CDH12: variants seen among roughly 807,000 people sequenced by gnomAD.
CDH12 encodes the protein cadherin-12.
In CDH12, 41 loss-of-function variants were observed where a neutral mutation model predicts 74.1. The observed-to-expected ratio is 0.55, with a 90% CI of 0.43 to 0.72. The LOEUF (loss-of-function observed/expected upper bound fraction) is 0.72. Ranked by LOEUF, CDH12 falls within the 30% of genes least tolerant of loss-of-function variation. CDH12 has a pLI of 0.00. For synonymous variants in CDH12, 399 were observed against 355.0 expected (o/e 1.12, Z -1.39); for missense variants, 945 against 977.2 (o/e 0.97, Z 0.44).
chr5:22,358,564 T>C (rs556492488), intron 3 of CDH12, among the ~76,000 whole-genome samples: 2 of 152,302 alleles, frequency 1.3e-5, no homozygotes, highest in Non-Finnish European at 2.9e-5. Context: ...CCACACAATA[T>C]ATATAATTGG....
intron 2 of CDH12, among the ~76,000 whole-genome samples, chr5:22,438,811 T>C (rs1000578231): frequency 1.3e-5 from 2 of 151,844 alleles, no homozygotes; most frequent in African/African-American, 4.8e-5. Context: ...CTACTTTGGT[T>C]TCTTTTAAAG....
rs117002852 is a variant in CDH12 at position 22,125,124 on chromosome 5, G to C, written c.-186-46262C>G. On this transcript the variant is annotated intron_variant, in intron 4 of 14. Transcript: ENST00000382254. ...TTTTTTTTTTTAACTTTAAATTCTG[G>C]GATACATGTGCTAAACATGCAGGTG... 1.4e-4 allele frequency among the ~76,000 whole-genome samples: 21 copies of C among 151,816 alleles called. No homozygotes were observed. In the East Asian group the frequency reaches 4.1e-3, roughly 29 times the overall value.
At position 22,008,471 on chromosome 5, in the gene CDH12, C is replaced by T. The variant is rs185948871; in HGVS notation, c.232-33086G>A. ...CTCCAACTCCTGACCTCAAGTGATCCGCCCACCTCTGCCTCCCAAAGTGCT... is the reference window on the plus strand; with the variant it reads ...CTCCAACTCCTGACCTCAAGTGATCTGCCCACCTCTGCCTCCCAAAGTGCT... On this transcript the variant is annotated intron_variant, in intron 5 of 14. Transcript: ENST00000382254. Among the ~76,000 whole-genome samples the T allele has an allele frequency of 8.6e-3, 1,316 of 152,188 alleles. 17 individuals are homozygous for T. The highest frequency in any genetic ancestry group is 0.03 in the African/African-American group (1,232 of 41,532).
chr5:22,509,322 T>C (rs933056732), intron 1 of CDH12, among the ~76,000 whole-genome samples: 5 of 152,204 alleles, frequency 3.3e-5, no homozygotes, highest in Non-Finnish European at 7.3e-5. Flanking sequence ...TATGGCTACA[T>C]AATTTTTAGA....
intron 1 of CDH12, among the ~76,000 whole-genome samples, chr5:22,833,613 A>C (rs1736708461): frequency 1.3e-5 from 2 of 152,202 alleles, no homozygotes; most frequent in African/African-American, 4.8e-5. Context: ...AAACACAGGA[A>C]AACTAGGTCA....
chr5:22,687,091 C>T (rs972954506), intron 1 of CDH12, among the ~76,000 whole-genome samples: 1 of 151,964 alleles, frequency 6.6e-6, no homozygotes, highest in African/African-American at 2.4e-5. Context: ...GTCAGAAGAT[C>T]GAGACCACTC....
intron 9 of CDH12, among the ~76,000 whole-genome samples, chr5:21,806,120 T>C (rs889334710): frequency 6.6e-5 from 10 of 152,086 alleles, no homozygotes; most frequent in African/African-American, 1.9e-4. Flanking sequence ...AAGGGAGGAA[T>C]TGGGGAAGGG....
chr5:21,868,710 T>G (rs745801502), intron 6 of CDH12, among the ~76,000 whole-genome samples: 1 of 152,234 alleles, frequency 6.6e-6, no homozygotes, highest in Non-Finnish European at 1.5e-5. Context: ...AGGTAACTTG[T>G]AAATTCACAG....
rs6864874 is a variant in CDH12 at position 22,092,510 on chromosome 5, C to G, written c.-186-13648G>C. 2.0e-5 allele frequency among the ~76,000 whole-genome samples: 3 copies of G among 151,936 alleles called. No homozygotes were observed. The East Asian group carries it at 5.8e-4, about 30-fold the overall frequency. On this transcript the variant is annotated intron_variant, in intron 4 of 14. Transcript: ENST00000382254. ...CATGGACAATATGCCCATGAAAGGA[C>G]TGTCAACACCATTCATTAGTCACTA...
intron 1 of CDH12, among the ~76,000 whole-genome samples, chr5:22,815,438 T>G (rs1193004680): frequency 6.6e-6 from 1 of 151,930 alleles, no homozygotes; most frequent in Admixed American, 6.6e-5. Context: ...TGAAGAATAA[T>G]GCATATTAGA....
At position 22,627,553 on chromosome 5, in the gene CDH12, T is replaced by C. The variant is rs1358841221; in HGVS notation, c.-522-122189A>G. 2.0e-5 allele frequency among the ~76,000 whole-genome samples: 3 copies of C among 152,072 alleles called. No individual in the cohort carries two copies. The East Asian group carries it at 5.8e-4, about 29-fold the overall frequency. ...TACAGACAAGCAAATGTTAGGAGAATTCCTTGCCACTTTACAAGAGGTCCT... is the reference window on the plus strand; with the variant it reads ...TACAGACAAGCAAATGTTAGGAGAACTCCTTGCCACTTTACAAGAGGTCCT... On this transcript the variant is annotated intron_variant, in intron 1 of 14. Coordinates refer to ENST00000382254, the MANE Select transcript of CDH12 (RefSeq NM_004061.5).
chr5:22,777,178 C>A (rs1001276294), intron 1 of CDH12, among the ~76,000 whole-genome samples: 4 of 152,084 alleles, frequency 2.6e-5, no homozygotes, highest in African/African-American at 9.7e-5. Flanking sequence ...AGAAATAATG[C>A]AGAAAGAGGA....
At chr5:21,836,861 T>C (rs1174228654) in intron 8 of CDH12, among the ~76,000 whole-genome samples, 1 of 151,974 alleles carries the variant, frequency 6.6e-6, no homozygotes, top group Admixed American at 6.6e-5. Context: ...AAAGAAACTA[T>C]TTTGTCTTTA....
chr5:22,037,198 C>A (rs1313297918), intron 5 of CDH12, among the ~76,000 whole-genome samples: 1 of 152,170 alleles, frequency 6.6e-6, no homozygotes, highest in African/African-American at 2.4e-5. Context: ...ACATCCTAAT[C>A]CCTGGAACTT....
chr5:22,339,011 G>A (rs778672100), intron 3 of CDH12, among the ~76,000 whole-genome samples: 19 of 152,114 alleles, frequency 1.2e-4, no homozygotes, highest in Non-Finnish European at 2.5e-4. Flanking sequence ...TTTGGAAGAG[G>A]ACTTAGAGTT....
intron 2 of CDH12, among the ~76,000 whole-genome samples, chr5:22,485,893 G>C (rs1366689272): frequency 6.6e-6 from 1 of 152,152 alleles, no homozygotes; most frequent in Admixed American, 6.5e-5. Context: ...TTGCTAGGAG[G>C]ATATCAGAGC....
At chr5:22,544,429 T>A (rs1738229600) in intron 1 of CDH12, among the ~76,000 whole-genome samples, 1 of 152,206 alleles carries the variant, frequency 6.6e-6, no homozygotes. Context: ...TCTTTTACCA[T>A]ATGTTCAAAA....
rs1229405357 is a variant in CDH12 at position 22,836,864 on chromosome 5, C to A, written c.-523+16194G>T. On this transcript the variant is annotated intron_variant, in intron 1 of 14. Coordinates refer to ENST00000382254, the MANE Select transcript of CDH12 (RefSeq NM_004061.5). ...GGCTGTGACCAATCCAGAACTCCTG[C>A]TTTCATTCATTTTCTGAAATTTCTT... 6.6e-5 allele frequency among the ~76,000 whole-genome samples: 10 copies of A among 152,162 alleles called. No individual in the cohort carries two copies. The East Asian group carries it at 1.9e-3, about 29-fold the overall frequency.
chr5:22,120,299 C>G (rs900331091), intron 4 of CDH12, among the ~76,000 whole-genome samples: 1 of 152,008 alleles, frequency 6.6e-6, no homozygotes, highest in African/African-American at 2.4e-5. Flanking sequence ...AATACCAGGA[C>G]AGAAAAAACA....
Sources: gnomAD v4.1 joint callset for allele counts (sites outside exome capture counted in the v4.1 genomes callset) on GRCh38, gnomAD v4.1.1 for gene constraint, MANE v1.5 for transcripts, NCBI Gene and HGNC (gene_info 2026-07-23, HGNC 2026-07-21) for gene names.